AFF1: variants seen among roughly 807,000 people sequenced by gnomAD.
AFF1 encodes the protein ALF transcription elongation factor 1, also known as AF4/FMR2 family member 1.
AFF1 carries 48 observed loss-of-function variants against 121.7 expected under a neutral mutation model. That is an observed-to-expected ratio of 0.39 (90% CI 0.31 to 0.50). The LOEUF (loss-of-function observed/expected upper bound fraction) is 0.50, where lower values mean the gene tolerates loss of function less well. Ranked by LOEUF, AFF1 falls within the 20% of genes least tolerant of loss-of-function variation. AFF1 has a pLI of 0.76. For synonymous variants in AFF1, 613 were observed against 563.0 expected (o/e 1.09, Z -1.26); for missense variants, 1,523 against 1,511.7 (o/e 1.01, Z -0.12).
intron 4 of AFF1, among the ~76,000 whole-genome samples, chr4:87,052,185 A>G (rs574165493): frequency 6.6e-6 from 1 of 152,272 alleles, no homozygotes; most frequent in South Asian, 2.1e-4. Context: ...AGGTGGGAGG[A>G]TCACTCCTGG....
At chr4:86,991,834 CTTTTTTTTT>C (rs34804329) in intron 2 of AFF1, among the ~76,000 whole-genome samples, 1 of 113,708 alleles carries the variant, frequency 8.8e-6, no homozygotes, top group South Asian at 3.1e-4. Context: ...CTTCAAATTG[CTTTTTTTTT>C]TTTTTTTTTT....
In AFF1 at chr4:87,115,104, A is replaced by T. The variant is rs1726963113; in HGVS notation, c.2271A>T (p.Ser757=). 6.2e-7 allele frequency: 1 copy of T among 1,614,074 alleles called. No individual in the cohort carries two copies. Among genetic ancestry groups the T allele is most frequent in the African/African-American group, 1.3e-5 (1 of 75,010 alleles). Residue 757 remains serine (S), a synonymous_variant, in exon 12 of 21, where the codon TCA becomes TCT. Coordinates refer to ENST00000395146, the MANE Select transcript of AFF1 (RefSeq NM_001166693.3). ...CTTTGAGAGACACCAAGCTGCTCTC[A>T]CCGCTCAGGGACACTCCTCCCCCAC... The part of the protein sequence containing the change: ...PLPLRDTKLL[S]PLRDTPPPQS...
chr4:87,088,577 C>T (rs749894672), intron 5 of AFF1, among the ~76,000 whole-genome samples: 7 of 151,304 alleles, frequency 4.6e-5, no homozygotes, highest in African/African-American at 1.7e-4. Context: ...GCTGTGGGGT[C>T]GCAGATTGCT....
At chr4:87,050,313 C>G (rs1355705747) in intron 4 of AFF1, among the ~76,000 whole-genome samples, 1 of 152,248 alleles carries the variant, frequency 6.6e-6, no homozygotes, top group South Asian at 2.1e-4. Context: ...TTTCTCTTTC[C>G]TAGTGCTCTG....
intron 8 of AFF1, among the ~76,000 whole-genome samples, chr4:87,097,112 G>A (rs1724953338): frequency 6.6e-6 from 1 of 152,194 alleles, no homozygotes; most frequent in South Asian, 2.1e-4. Context: ...TCTTTGTGAT[G>A]GTTGGTTGTC....
intron 2 of AFF1, among the ~76,000 whole-genome samples, chr4:86,989,406 C>T (rs1724531987): frequency 2.0e-5 from 3 of 152,168 alleles, no homozygotes; most frequent in Non-Finnish European, 2.9e-5. Flanking sequence ...GACATTTATG[C>T]GGCCAACAAA....
intron 2 of AFF1, among the ~76,000 whole-genome samples, chr4:86,966,065 CTTT>C (rs568285746): frequency 1.4e-5 from 2 of 138,936 alleles, no homozygotes; most frequent in African/African-American, 2.6e-5. Context: ...TTTTTCTTTC[CTTT>C]TTTTTTTTTT....
At chr4:87,108,473 T>A (rs550352353) in intron 11 of AFF1, among the ~76,000 whole-genome samples, 158 bp downstream of exon 11, 2 of 152,316 alleles carry the variant, frequency 1.3e-5, no homozygotes, top group South Asian at 4.1e-4. Context: ...GCCATCTGTT[T>A]CTATTTATTT....
intron 6 of AFF1, among the ~76,000 whole-genome samples, chr4:87,091,289 G>A (rs1724283552): frequency 6.6e-6 from 1 of 152,110 alleles, no homozygotes; most frequent in South Asian, 2.1e-4. Flanking sequence ...TGTAGTCCCA[G>A]CTACTGGAGA....
intron 17 of AFF1, 80 bp downstream of exon 17, chr4:87,131,299 G>A (rs1446265953): frequency 6.5e-7 from 1 of 1,538,802 alleles, no homozygotes; most frequent in East Asian, 2.3e-5. Flanking sequence ...TTGAACCTTA[G>A]TGTGAAGATG....
chr4:87,045,495 T>A (rs1163445781), intron 2 of AFF1, among the ~76,000 whole-genome samples: 1 of 152,000 alleles, frequency 6.6e-6, no homozygotes, highest in Non-Finnish European at 1.5e-5. Context: ...TAGGATACAT[T>A]TTTATGTGTT....
rs1385150670 is a variant in AFF1 at position 87,047,293 on chromosome 4, C to T, written c.758C>T (p.Pro253Leu). The change falls in exon 4 of 21, where the codon CCC becomes CTC. Residue 253 changes from proline to leucine, a missense_variant. Coordinates refer to ENST00000395146, the MANE Select transcript of AFF1 (RefSeq NM_001166693.3). Reference protein sequence around the residue: ...NSKGYCPAKSPKDLAVKVHDK... With the variant: ...NSKGYCPAKSLKDLAVKVHDK... ...AAAGGCTATTGCCCAGCCAAATCTC[C>T]CAAGGACCTAGCAGTGAAAGTCCAT... 6.2e-7 allele frequency: 1 copy of T among 1,614,192 alleles called. No homozygotes were observed. The highest frequency in any genetic ancestry group is 8.5e-7 in the Non-Finnish European group (1 of 1,180,042).
intron 11 of AFF1, among the ~76,000 whole-genome samples, chr4:87,110,767 CTT>C (rs1560635065): frequency 6.6e-6 from 1 of 152,076 alleles, no homozygotes; most frequent in Non-Finnish European, 1.5e-5. Flanking sequence ...AATATACTAA[CTT>C]TTGCCAATTT....
intron 2 of AFF1, among the ~76,000 whole-genome samples, chr4:86,994,605 C>T (rs80030738): frequency 0.036 from 5,463 of 152,288 alleles, 312 homozygotes; most frequent in African/African-American, 0.12. Context: ...TCTGCTCAAA[C>T]AAGCAAACAC....
chr4:87,049,217 T>G (rs112713194), intron 4 of AFF1, among the ~76,000 whole-genome samples: 6 of 152,282 alleles, frequency 3.9e-5, no homozygotes, highest in African/African-American at 1.4e-4. Context: ...AACCATATGC[T>G]TAAGTGCAAG....
intron 20 of AFF1, 125 bp from the exon 21 acceptor site, chr4:87,135,455 G>T (rs1288156981): frequency 3.1e-6 from 3 of 983,040 alleles, no homozygotes; most frequent in Non-Finnish European, 4.3e-6. Context: ...TGATTTTTTT[G>T]ATGTGATTAA....
In AFF1 at chr4:87,126,087, GT is replaced by G. The variant is rs1560655089; in HGVS notation, c.2574-9del. On this transcript the variant is annotated splice_polypyrimidine_tract_variant and intron_variant, in intron 13 of 20. Transcript: ENST00000395146. ...TTGCCTCCTCTTAGTTTTACGTGAT[GT>G]TTCACTCCAGGCCCTCCAGGCCCTC... is the stretch of plus-strand genomic sequence containing the variant. 6.2e-7 allele frequency: 1 copy of G among 1,612,984 alleles called. No homozygotes were observed. The highest frequency in any genetic ancestry group is 1.7e-5 in the Admixed American group (1 of 60,002).
At chr4:87,094,234 AT>A (rs996133251) in intron 7 of AFF1, among the ~76,000 whole-genome samples, 4 of 152,070 alleles carry the variant, frequency 2.6e-5, no homozygotes, top group African/African-American at 9.7e-5. Context: ...TCTTTCTTTA[AT>A]TTGCTGCCTT....
At chr4:86,980,959 C>CT in intron 2 of AFF1, among the ~76,000 whole-genome samples, 1 of 148,926 alleles carries the variant, frequency 6.7e-6, no homozygotes, top group East Asian at 2.0e-4. Context: ...CCCCCCCCTC[C>CT]ACCAAAAAAA....
Sources: gnomAD v4.1 joint callset for allele counts (sites outside exome capture counted in the v4.1 genomes callset) on GRCh38, gnomAD v4.1.1 for gene constraint, MANE v1.5 for transcripts, NCBI Gene and HGNC (gene_info 2026-07-23, HGNC 2026-07-21) for gene names.